Variants in ZSCAN5A observed in about 807,000 individuals in gnomAD.
ZSCAN5A encodes zinc finger and SCAN domain containing 5A.
ZSCAN5A carries 12 observed loss-of-function variants against 23.7 expected under a neutral mutation model. The observed-to-expected ratio is 0.51, with a 90% CI of 0.32 to 0.82. The LOEUF is 0.82. Among genes scored for constraint, ZSCAN5A ranks in the 40% least tolerant of loss-of-function variants. ZSCAN5A has a pLI of 0.03. For missense variants in ZSCAN5A, 597 were observed against 617.9 expected, an observed-to-expected ratio of 0.97 and a Z score of 0.36; for synonymous variants, 257 against 239.9, an observed-to-expected ratio of 1.07 and a Z score of -0.66.
intron 2 of ZSCAN5A, among the ~76,000 whole-genome samples, chr19:56,326,251 A>C (rs1269269409): frequency 6.6e-6 from 1 of 151,958 alleles, no homozygotes; most frequent in Admixed American, 6.6e-5. Context: ...ATACGTATAT[A>C]TTGTAAAATG....
chr19:56,297,647 T>TGA, intron 2 of ZSCAN5A: 3 of 537,076 alleles, frequency 5.6e-6, no homozygotes, highest in Non-Finnish European at 4.8e-6. Flanking sequence ...TGCAGGGGCT[T>TGA]TGGTACCTGA....
intron 2 of ZSCAN5A, among the ~76,000 whole-genome samples, chr19:56,265,966 G>A (rs568489675): frequency 1.3e-4 from 20 of 152,234 alleles, no homozygotes; most frequent in African/African-American, 3.6e-4. Context: ...GTGGAGCAGA[G>A]GTAATTCTTC....
chr19:56,323,384 G>A (rs2041399496), intron 2 of ZSCAN5A, among the ~76,000 whole-genome samples: 1 of 151,774 alleles, frequency 6.6e-6, no homozygotes, highest in South Asian at 2.1e-4. Context: ...ATGTTGCCCA[G>A]GCTGATCTCA....
chr19:56,348,232 T>C (rs2041646967), intron 2 of ZSCAN5A: 1 of 152,138 alleles, frequency 6.6e-6, no homozygotes, highest in Admixed American at 6.5e-5. Context: ...CTAGAGCTAG[T>C]CTCTCTCTGT....
chr19:56,356,318 A>G lies in ZSCAN5A; in HGVS notation c.-358+6917T>C, dbSNP rs546984834. Among the ~76,000 whole-genome samples the G allele has an allele frequency of 4.7e-5, 7 of 148,950 alleles. No homozygotes were observed. The South Asian group carries it at 1.3e-3, about 27-fold the overall frequency. ...ATCAGTGGTGGGAATTACGTGATGC[A>G]GGAAGCGTACTTACAGAAGCGAGAA... is the stretch of plus-strand genomic sequence containing the variant. On this transcript the variant is annotated intron_variant, in intron 2 of 6. Coordinates refer to the ZSCAN5A transcript ENST00000587340.
At chr19:56,243,630 A>C (rs950018380) in intron 2 of ZSCAN5A, among the ~76,000 whole-genome samples, 18 of 152,344 alleles carry the variant, frequency 1.2e-4, no homozygotes, top group African/African-American at 3.4e-4. Context: ...GCTTCACATA[A>C]GTATCCTATT....
intron 2 of ZSCAN5A, among the ~76,000 whole-genome samples, chr19:56,250,563 G>A (rs1213931251): frequency 6.6e-6 from 1 of 152,118 alleles, no homozygotes; most frequent in Admixed American, 6.5e-5. Flanking sequence ...GTCTCCTCTG[G>A]GTTCCAGCTT....
chr19:56,287,938 T>G (rs548634850), intron 2 of ZSCAN5A, among the ~76,000 whole-genome samples: 1 of 152,336 alleles, frequency 6.6e-6, no homozygotes, highest in South Asian at 2.1e-4. Flanking sequence ...CAGTGTTAGC[T>G]CTGAAACTCT....
intron 2 of ZSCAN5A, among the ~76,000 whole-genome samples, chr19:56,247,901 A>G (rs2146704021): frequency 6.6e-6 from 1 of 152,268 alleles, no homozygotes; most frequent in South Asian, 2.1e-4. Flanking sequence ...CCTGTTAGCC[A>G]GGATGGTCTC....
At chr19:56,343,075 C>G (rs2041606858) in intron 2 of ZSCAN5A, 4 of 801,074 alleles carry the variant, frequency 5.0e-6, no homozygotes, top group Non-Finnish European at 9.0e-6. Context: ...CCAGCAAGAC[C>G]TCATGCAGAG....
intron 2 of ZSCAN5A, among the ~76,000 whole-genome samples, chr19:56,227,951 G>GGAGGC (rs2034108173): frequency 2.0e-5 from 3 of 151,828 alleles, no homozygotes; most frequent in Non-Finnish European, 4.4e-5. Flanking sequence ...CCAGCTACTC[G>GGAGGC]GGAGGCGGAG....
intron 2 of ZSCAN5A, among the ~76,000 whole-genome samples, chr19:56,337,311 G>A (rs905636368): frequency 6.6e-6 from 1 of 152,226 alleles, no homozygotes; most frequent in Non-Finnish European, 1.5e-5. Flanking sequence ...CCTCACTGCT[G>A]CCTTGCAGTT....
At chr19:56,319,962 C>A in intron 2 of ZSCAN5A, 1 of 1,289,122 alleles carries the variant, frequency 7.8e-7, no homozygotes, top group South Asian at 1.2e-5. Context: ...TTTAGAATTT[C>A]ATGGAGTGTA....
chr19:56,307,270 A>G (rs910294919), intron 2 of ZSCAN5A, among the ~76,000 whole-genome samples: 1 of 152,176 alleles, frequency 6.6e-6, no homozygotes, highest in Non-Finnish European at 1.5e-5. Flanking sequence ...CCCTTTTTAC[A>G]TTAAAAAATG....
At chr19:56,244,881 G>T (rs995282061) in intron 2 of ZSCAN5A, among the ~76,000 whole-genome samples, 1 of 151,810 alleles carries the variant, frequency 6.6e-6, no homozygotes, top group Non-Finnish European at 1.5e-5. Flanking sequence ...GAAAGTGGTT[G>T]GTATCAGATG....
At chr19:56,283,438 G>T (rs999191054) in intron 2 of ZSCAN5A, 1 of 152,088 alleles carries the variant, frequency 6.6e-6, no homozygotes, top group East Asian at 1.9e-4. Context: ...TCATCCCAAG[G>T]CCACCCACTT....
intron 2 of ZSCAN5A, among the ~76,000 whole-genome samples, chr19:56,234,818 C>T (rs548067070): frequency 3.9e-5 from 6 of 152,280 alleles, no homozygotes; most frequent in African/African-American, 7.2e-5. Flanking sequence ...TCGTGGAGCT[C>T]GGATTTCAAG....
intron 2 of ZSCAN5A, chr19:56,274,414 A>G (rs1194935449): frequency 6.6e-6 from 1 of 151,436 alleles, no homozygotes; most frequent in Non-Finnish European, 1.5e-5. Flanking sequence ...AGATCCTGCC[A>G]TTGCACTCCA....
chr19:56,224,975 C>T lies in ZSCAN5A; in HGVS notation c.72G>A (p.Arg24=), dbSNP rs758159159. ...GTTGAGTTTCTGAGGATGCCATAGA[C>T]CGTGGCAGCTCCAACCCAGGTCTGT... The part of the protein sequence containing the change: ...SCNRPGLELP[R]SMASSETQLG... The change falls in exon 3 of 6, where the codon CGG becomes CGA. Residue 24 remains arginine (R), a synonymous_variant. Transcript: ENST00000683990. 33 of 1,614,038 alleles carry T rather than the reference C, an allele frequency of 2.0e-5. No individual in the cohort carries two copies. Among genetic ancestry groups the T allele is most frequent in the Admixed American group, 1.7e-5 (1 of 59,990 alleles).
Sources: gnomAD v4.1 joint callset for allele counts (sites outside exome capture counted in the v4.1 genomes callset) on GRCh38, gnomAD v4.1.1 for gene constraint, MANE v1.5 for transcripts, NCBI Gene and HGNC (gene_info 2026-07-23, HGNC 2026-07-21) for gene names.